URB1: variants seen among roughly 807,000 people sequenced by gnomAD.
URB1 encodes URB1 ribosome biogenesis factor.
Under a neutral mutation model 242.3 loss-of-function variants are expected in URB1, and 197 were observed. That is an observed-to-expected ratio of 0.81 (90% CI 0.72 to 0.91). The LOEUF is 0.91. URB1 is among the 40% of genes least tolerant of loss of function. The pLI, the probability that URB1 is intolerant of heterozygous loss-of-function variation, is 0.00. For synonymous variants in URB1, 1,153 were observed against 1,201.8 expected (o/e 0.96, Z 0.84); for missense variants, 2,721 against 2,860.5 (o/e 0.95, Z 1.11).
intron 38 of URB1, 90 bp downstream of exon 38, chr21:32,316,376 C>T: frequency 6.9e-7 from 1 of 1,439,324 alleles, no homozygotes; most frequent in Non-Finnish European, 9.1e-7. Flanking sequence ...TCAGCAGAAA[C>T]CTGAGTGTTC....
At chr21:32,320,820 C>G (rs992983911) in intron 34 of URB1, among the ~76,000 whole-genome samples, 180 bp from the exon 35 acceptor site, 1 of 152,218 alleles carries the variant, frequency 6.6e-6, no homozygotes, top group Non-Finnish European at 1.5e-5. Flanking sequence ...CTACAAGAGA[C>G]AGCCAGAGGA....
At position 32,367,928 on chromosome 21, in the gene URB1, A is replaced by G. The variant is rs181530386; in HGVS notation, c.1197+475T>C. Among the ~76,000 whole-genome samples the G allele has an allele frequency of 2.9e-3, 440 of 152,328 alleles. 2 individuals carry two copies. Among genetic ancestry groups the G allele is most frequent in the Non-Finnish European group, 4.1e-3 (281 of 68,034 alleles). ...CCTCAAATTCAGCTCAGTGAAAGGC[A>G]AAACGCTATAGAAGATAAGGACACC... On this transcript the variant is annotated intron_variant, in intron 9 of 38. Coordinates refer to ENST00000382751, the MANE Select transcript of URB1 (RefSeq NM_014825.3).
At chr21:32,333,010 A>G (rs1441548402) in intron 30 of URB1, 1 of 353,198 alleles carries the variant, frequency 2.8e-6, no homozygotes, top group African/African-American at 2.2e-5. Context: ...TTGGTATTTG[A>G]CCAGTAACTA....
chr21:32,350,923 C>A lies in URB1; in HGVS notation c.2614-1G>T, dbSNP rs1018703633. On this transcript the variant is annotated splice_acceptor_variant, in intron 19 of 38. Transcript: ENST00000382751. LOFTEE classifies it high-confidence loss of function. ...AGGGGCTGCCCTGTGCCTGCAGCAGCTGAGGGAGACAGCAAAAGGCCGGGG... is the reference window on the plus strand; with the variant it reads ...AGGGGCTGCCCTGTGCCTGCAGCAGATGAGGGAGACAGCAAAAGGCCGGGG... The A allele has an allele frequency of 6.5e-7, 1 of 1,543,172 alleles. No individual in the cohort carries two copies. The highest frequency in any genetic ancestry group is 2.0e-5 in the Admixed American group (1 of 50,936).
intron 4 of URB1, among the ~76,000 whole-genome samples, chr21:32,378,818 C>A (rs1015798513): frequency 6.6e-6 from 1 of 152,216 alleles, no homozygotes; most frequent in African/African-American, 2.4e-5. Context: ...TAGTAGTGTT[C>A]CCTTCCCTGA....
chr21:32,337,134 G>C lies in URB1; in HGVS notation c.4645C>G (p.Arg1549Gly). 1 of 1,551,846 alleles carries C rather than the reference G, an allele frequency of 6.4e-7. No individual in the cohort carries two copies. Among genetic ancestry groups the C allele is most frequent in the African/African-American group, 1.4e-5 (1 of 73,156 alleles). Residue 1549 changes from arginine to glycine, a missense_variant, in exon 28 of 39, where the codon CGA becomes GGA. By Grantham distance (125) the Arg-to-Gly change is moderately radical. Coordinates refer to ENST00000382751, the MANE Select transcript of URB1 (RefSeq NM_014825.3). ...CTGAGCTTGTTCTGCTCATACGCTC[G>C]AAGCAGAAGTAAAATCTTCTGATCT... The part of the protein sequence containing the change: ...VLDQKILLLL[R>G]AYEQNKLSLI...
At chr21:32,364,637 A>G (rs1359191656) in intron 10 of URB1, among the ~76,000 whole-genome samples, 1 of 152,188 alleles carries the variant, frequency 6.6e-6, no homozygotes, top group Non-Finnish European at 1.5e-5. Flanking sequence ...TGCACACCAC[A>G]CCCAAGGGGC....
At chr21:32,334,829 C>T (rs567391252) in intron 28 of URB1, among the ~76,000 whole-genome samples, 1 of 152,284 alleles carries the variant, frequency 6.6e-6, no homozygotes, top group South Asian at 2.1e-4. Flanking sequence ...CATGTGGCCA[C>T]GAGTGAACCA....
At chr21:32,361,194 A>AGAAAGAAAGAAG (rs1466812890) in intron 12 of URB1, 71 bp from the exon 13 acceptor site, 2 of 955,752 alleles carry the variant, frequency 2.1e-6, no homozygotes, top group African/African-American at 3.3e-5. Flanking sequence ...AAAGAAAGAA[A>AGAAAGAAAGAAG]GAAAGAAAGA....
intron 35 of URB1, 66 bp from the exon 36 acceptor site, chr21:32,319,480 C>G: frequency 7.1e-7 from 1 of 1,401,912 alleles, no homozygotes. Flanking sequence ...CAGACTATCG[C>G]CCTCCATAAT....
In URB1 at chr21:32,338,732, C is replaced by G; in HGVS notation, c.4485G>C (p.Glu1495Asp). The G allele has an allele frequency of 6.4e-7, 1 of 1,551,560 alleles. No homozygotes were observed. The highest frequency in any genetic ancestry group is 8.7e-7 in the Non-Finnish European group (1 of 1,146,960). The change falls in exon 26 of 39, where the codon GAG becomes GAC. Residue 1495 changes from glutamate (E) to aspartate (D), a missense_variant. Transcript: ENST00000382751. The stretch of plus-strand genomic sequence containing the variant: ...CTTTTACTTGGCTGTCCGGGCTCTC[C>G]TCTCCGTCAGACGTCAGTAGAGTCG... ...FLPTLLTSDG[E>D]ESPDSQVKEA... is the part of the protein sequence containing the mutation.
At chr21:32,332,843 G>C (rs1490663702) in intron 30 of URB1, among the ~76,000 whole-genome samples, 3 of 152,038 alleles carry the variant, frequency 2.0e-5, no homozygotes, top group African/African-American at 7.2e-5. Context: ...GCGTTACATG[G>C]AAGTGTTTCT....
intron 38 of URB1, 142 bp from the exon 39 acceptor site, chr21:32,315,241 G>A (rs1031660404): frequency 5.8e-5 from 36 of 616,806 alleles, no homozygotes; most frequent in Admixed American, 8.1e-5. Context: ...TGAGCACACC[G>A]ATACAACAAC....
chr21:32,384,261 G>A, intron 3 of URB1, 52 bp downstream of exon 3: 2 of 1,527,534 alleles, frequency 1.3e-6, no homozygotes, highest in African/African-American at 1.4e-5. Context: ...AGAGCTGAAT[G>A]CAGACCAAAC....
intron 19 of URB1, 72 bp downstream of exon 19, chr21:32,352,632 CAGCTGT>C: frequency 6.6e-7 from 1 of 1,522,300 alleles, no homozygotes; most frequent in South Asian, 1.2e-5. Context: ...CCCAACTGCA[CAGCTGT>C]GGCCCAGCCA....
At chr21:32,369,825 T>C (rs73190626) in intron 8 of URB1, among the ~76,000 whole-genome samples, 111 of 152,024 alleles carry the variant, frequency 7.3e-4, no homozygotes, top group Non-Finnish European at 1.3e-3. Context: ...AAATCTACCG[T>C]AGAAAAATAC....
At position 32,355,376 on chromosome 21, in the gene URB1, T is replaced by C. The variant is rs141974620; in HGVS notation, c.2106+73A>G. The C allele has an allele frequency of 4.5e-5, 62 of 1,371,576 alleles. No homozygotes were observed. In the East Asian group the frequency reaches 1.5e-3, roughly 34 times the overall value. 85.0% of individuals were successfully genotyped at this position (1,371,576 alleles called of 1,614,324 possible). A position where few individuals can be genotyped will look rare whatever the true frequency, so the allele number is the denominator to read the frequency against. ...CCTTTTGGTGCTGGTGCATCAAAAA[T>C]GCCTCGATGACGCTAAGAAGTTAAT... On this transcript the variant is annotated intron_variant, in intron 16 of 38. Coordinates refer to ENST00000382751, the MANE Select transcript of URB1 (RefSeq NM_014825.3).
Position 32,357,629 on chromosome 21 carries a change from CT to C in URB1, c.1896del (p.Gly633ValfsTer9). On this transcript the variant is annotated frameshift_variant, in exon 15 of 39. Transcript: ENST00000382751. LOFTEE classifies it high-confidence loss of function. ...AGTAAGTAAAATACTGATCGTTCAC[CT>C]CCAATAATTTCTGCATCTGGGCCTT... is the stretch of plus-strand genomic sequence containing the variant. ...AQEGPDAEII[G>X]GERSVFYLLM... 6.6e-7 allele frequency: 1 copy of C among 1,509,368 alleles called. No individual in the cohort carries two copies. Among genetic ancestry groups the C allele is most frequent in the Non-Finnish European group, 8.9e-7 (1 of 1,129,728 alleles). 93.5% of individuals were successfully genotyped at this position (1,509,368 alleles called of 1,614,324 possible).
chr21:32,379,277 C>T (rs2033495161), intron 4 of URB1, among the ~76,000 whole-genome samples: 1 of 152,234 alleles, frequency 6.6e-6, no homozygotes, highest in African/African-American at 2.4e-5. Flanking sequence ...CTAAGGAACT[C>T]AAGGCATGTG....
Sources: gnomAD v4.1 joint callset for allele counts (sites outside exome capture counted in the v4.1 genomes callset) on GRCh38, gnomAD v4.1.1 for gene constraint, MANE v1.5 for transcripts, NCBI Gene and HGNC (gene_info 2026-07-23, HGNC 2026-07-21) for gene names.